KCNH1: variants seen among roughly 807,000 people sequenced by gnomAD.
KCNH1 encodes the protein voltage-gated delayed rectifier potassium channel KCNH1.
KCNH1 carries 27 observed loss-of-function variants against 69.2 expected under a neutral mutation model. The ratio of observed to expected loss-of-function variants is 0.39; its 90% CI spans 0.29 to 0.54. The LOEUF (loss-of-function observed/expected upper bound fraction) is 0.54, where lower values mean the gene tolerates loss of function less well. Ranked by LOEUF, KCNH1 falls within the 20% of genes least tolerant of loss-of-function variation. The probability of loss-of-function intolerance (pLI) is 0.68; values close to 1 mark genes in which losing one functional copy is unlikely to be tolerated. For missense variants in KCNH1, 798 were observed against 1,261.6 expected, an observed-to-expected ratio of 0.63 and a Z score of 5.57; for synonymous variants, 456 against 487.7, an observed-to-expected ratio of 0.93 and a Z score of 0.86.
At chr1:210,795,749 A>G (rs868138086) in intron 9 of KCNH1, among the ~76,000 whole-genome samples, 1 of 152,100 alleles carries the variant, frequency 6.6e-6, no homozygotes, top group Non-Finnish European at 1.5e-5. Context: ...GTTTTCTAAT[A>G]AATCATTTGT....
chr1:210,963,906 G>C (rs887155518), intron 6 of KCNH1, among the ~76,000 whole-genome samples: 2 of 152,112 alleles, frequency 1.3e-5, no homozygotes. Flanking sequence ...AATAGAGCAA[G>C]ACAGGCCAAC....
At chr1:210,785,816 T>C (rs950160716) in intron 9 of KCNH1, among the ~76,000 whole-genome samples, 4 of 152,282 alleles carry the variant, frequency 2.6e-5, no homozygotes, top group Admixed American at 2.0e-4. Context: ...GAACTGCCTG[T>C]AGGAAGGATG....
intron 1 of KCNH1, among the ~76,000 whole-genome samples, chr1:211,126,198 C>T (rs1007672999): frequency 7.3e-4 from 48 of 65,472 alleles, no homozygotes; most frequent in Non-Finnish European, 1.3e-3. Flanking sequence ...AACCCCATCA[C>T]TACAAAAAAA....
At chr1:211,057,507 C>T (rs867291844) in intron 5 of KCNH1, among the ~76,000 whole-genome samples, 6 of 151,898 alleles carry the variant, frequency 4.0e-5, no homozygotes, top group South Asian at 4.2e-4. Context: ...GGTATTATGG[C>T]GTTTGCTTGT....
intron 5 of KCNH1, among the ~76,000 whole-genome samples, chr1:211,046,449 T>A (rs1180662909): frequency 1.3e-5 from 2 of 152,146 alleles, no homozygotes; most frequent in Non-Finnish European, 2.9e-5. Flanking sequence ...TGGCATTGGT[T>A]ATCATTTACT....
intron 6 of KCNH1, among the ~76,000 whole-genome samples, chr1:210,980,440 A>G (rs1287345090): frequency 6.6e-6 from 1 of 152,210 alleles, no homozygotes; most frequent in Non-Finnish European, 1.5e-5. Context: ...TGAGAGCCTG[A>G]TGTGTCTACC....
At chr1:210,933,127 T>A (rs1266196585) in intron 6 of KCNH1, among the ~76,000 whole-genome samples, 1 of 152,120 alleles carries the variant, frequency 6.6e-6, no homozygotes, top group Admixed American at 6.6e-5. Context: ...TGTCCAACAA[T>A]GATAGACTGG....
chr1:210,995,052 T>C (rs1558559026), intron 6 of KCNH1, among the ~76,000 whole-genome samples: 1 of 152,220 alleles, frequency 6.6e-6, no homozygotes, highest in African/African-American at 2.4e-5. Context: ...TCCCATTCCT[T>C]CTTGCTAAAG....
chr1:210,860,371 A>G, intron 7 of KCNH1: 1 of 1,424,928 alleles, frequency 7.0e-7, no homozygotes. Flanking sequence ...AATGACCTGT[A>G]AGCAGATTCC....
chr1:210,735,417 AGTGAGT>A (rs760324206), intron 10 of KCNH1, among the ~76,000 whole-genome samples: 2,630 of 115,878 alleles, frequency 0.023, 58 homozygotes, highest in African/African-American at 0.076. Context: ...TGAATGAGTG[AGTGAGT>A]GTGTGTGTGT....
At position 210,794,635 on chromosome 1, in the gene KCNH1, A is replaced by T. The variant is rs141279561; in HGVS notation, c.1915+2873T>A. On this transcript the variant is annotated intron_variant, in intron 9 of 10. Transcript: ENST00000271751. The stretch of plus-strand genomic sequence containing the variant: ...CCCTCTTCAGCTCCATCATGCCTCT[A>T]TGCCTAAGTCTAGGTGTTCAAACCA... Among the ~76,000 whole-genome samples, 645 of 152,290 alleles carry T rather than the reference A, an allele frequency of 4.2e-3. 2 individuals carry two copies. Among genetic ancestry groups the T allele is most frequent in the African/African-American group, 0.015 (619 of 41,566 alleles).
At chr1:210,889,259 T>C (rs2102519815) in intron 7 of KCNH1, among the ~76,000 whole-genome samples, 1 of 152,194 alleles carries the variant, frequency 6.6e-6, no homozygotes, top group South Asian at 2.1e-4. Flanking sequence ...CATACACAAA[T>C]AAATAAGCAT....
chr1:211,020,226 A>T (rs1183538246), intron 5 of KCNH1, among the ~76,000 whole-genome samples: 2 of 152,014 alleles, frequency 1.3e-5, no homozygotes, highest in Non-Finnish European at 2.9e-5. Flanking sequence ...TTTTAAAAAC[A>T]TAATTTTAAA....
At chr1:210,955,609 G>A (rs773468528) in intron 6 of KCNH1, among the ~76,000 whole-genome samples, 1 of 152,096 alleles carries the variant, frequency 6.6e-6, no homozygotes, top group African/African-American at 2.4e-5. Context: ...CCTTGAAGGG[G>A]TCATTCACAT....
chr1:210,945,004 C>A (rs558971210), intron 6 of KCNH1, among the ~76,000 whole-genome samples: 31 of 152,356 alleles, frequency 2.0e-4, no homozygotes, highest in Middle Eastern at 3.4e-3. Context: ...TAAGTGGAAT[C>A]ATGCAATGTT....
chr1:210,997,851 C>T (rs12131213), intron 6 of KCNH1, among the ~76,000 whole-genome samples: 8,926 of 152,118 alleles, frequency 0.059, 330 homozygotes, highest in East Asian at 0.18. Context: ...GAGTGGGGGC[C>T]GATATTCAAC....
intron 5 of KCNH1, among the ~76,000 whole-genome samples, chr1:211,024,015 A>G (rs1317938517): frequency 6.6e-6 from 1 of 152,212 alleles, no homozygotes; most frequent in Non-Finnish European, 1.5e-5. Context: ...TTTCATCATT[A>G]CATACTGCAT....
chr1:211,075,961 A>G (rs928695348), intron 5 of KCNH1, among the ~76,000 whole-genome samples: 2 of 152,248 alleles, frequency 1.3e-5, no homozygotes, highest in East Asian at 3.8e-4. Context: ...TCCCAAGCCC[A>G]TGGAGCCTTG....
chr1:210,853,732 G>T (rs997315751), intron 7 of KCNH1, among the ~76,000 whole-genome samples: 11 of 152,028 alleles, frequency 7.2e-5, no homozygotes, highest in African/African-American at 2.4e-4. Flanking sequence ...CATCTTTCTT[G>T]CCAAATGGAT....
Sources: gnomAD v4.1 joint callset for allele counts (sites outside exome capture counted in the v4.1 genomes callset) on GRCh38, gnomAD v4.1.1 for gene constraint, MANE v1.5 for transcripts, NCBI Gene and HGNC (gene_info 2026-07-23, HGNC 2026-07-21) for gene names.